Variants in DACH2 observed in about 807,000 individuals in gnomAD.
DACH2 encodes the protein dachshund homolog 2.
In DACH2, 17 loss-of-function variants were observed where a neutral mutation model predicts 35.8. The observed-to-expected ratio is 0.48, with a 90% confidence interval of 0.33 to 0.71. The LOEUF (loss-of-function observed/expected upper bound fraction) is 0.71. DACH2 is among the 30% of genes least tolerant of loss of function. The pLI is 0.02. For synonymous variants in DACH2, 195 were observed against 177.3 expected (o/e 1.10, Z -0.79); for missense variants, 469 against 472.7 (o/e 0.99, Z 0.07).
chrX:86,364,524 C>T (rs752949339), intron 1 of DACH2, among the ~76,000 whole-genome samples: 24 of 110,816 alleles, frequency 2.2e-4, no homozygotes, highest in Non-Finnish European at 5.7e-5. Context: ...CTTTATACAA[C>T]GTGGAAGAGA....
intron 2 of DACH2, among the ~76,000 whole-genome samples, chrX:86,460,845 T>TA (rs961236539): frequency 2.5e-4 from 27 of 110,063 alleles, no homozygotes; most frequent in African/African-American, 8.2e-4. Context: ...TATGTAAAAT[T>TA]AAAAAAAAGT....
At chrX:86,472,734 G>C (rs1167539386) in intron 2 of DACH2, among the ~76,000 whole-genome samples, 1 of 111,788 alleles carries the variant, frequency 8.9e-6, no homozygotes, top group African/African-American at 3.2e-5. Flanking sequence ...TTAGTTTCTT[G>C]ATGATAATTC....
At chrX:86,486,444 A>G (rs1464041971) in intron 2 of DACH2, among the ~76,000 whole-genome samples, 2 of 110,474 alleles carry the variant, frequency 1.8e-5, no homozygotes, top group Admixed American at 9.8e-5. Flanking sequence ...TGAAAATTAC[A>G]TCTAGTGTGA....
intron 7 of DACH2, among the ~76,000 whole-genome samples, chrX:86,764,123 G>A (rs764064230): frequency 3.6e-5 from 4 of 111,846 alleles, no homozygotes; most frequent in African/African-American, 9.7e-5. Flanking sequence ...TAGATATAAA[G>A]GAATAAATAT....
chrX:86,297,863 A>G (rs915690301), intron 1 of DACH2, among the ~76,000 whole-genome samples: 6 of 111,943 alleles, frequency 5.4e-5, no homozygotes, highest in African/African-American at 1.9e-4. Flanking sequence ...AGTGAAAGTG[A>G]CCGCTATTAA....
chrX:86,471,929 T>C (rs1320647172), intron 2 of DACH2, among the ~76,000 whole-genome samples: 1 of 112,190 alleles, frequency 8.9e-6, no homozygotes, highest in Non-Finnish European at 1.9e-5. Flanking sequence ...AATACCTATG[T>C]TAATTAGCTC....
chrX:86,778,883 G>C (rs1448098867), intron 7 of DACH2, among the ~76,000 whole-genome samples: 1 of 111,739 alleles, frequency 8.9e-6, no homozygotes, highest in Non-Finnish European at 1.9e-5. Flanking sequence ...TGCTATTACA[G>C]GTGTGAGCCA....
chrX:86,319,510 G>A (rs1178438113), intron 1 of DACH2, among the ~76,000 whole-genome samples: 1 of 111,539 alleles, frequency 9.0e-6, no homozygotes, highest in African/African-American at 3.3e-5. Flanking sequence ...TTTCAGCATA[G>A]TTAGGGTCAT....
chrX:86,314,388 C>T (rs576192703), intron 1 of DACH2, among the ~76,000 whole-genome samples: 2 of 110,805 alleles, frequency 1.8e-5, no homozygotes, highest in South Asian at 7.7e-4. Context: ...CATACGGGTT[C>T]ATGCCTGTAG....
chrX:86,258,378 TTTC>T lies in DACH2; in HGVS notation c.488+109273_488+109275del, dbSNP rs969456930. Among the ~76,000 whole-genome samples, 4 of 85,306 alleles carry T rather than the reference TTTC, an allele frequency of 4.7e-5. No individual in the cohort carries two copies. The African/African-American group carries it at 6.0e-4, about 13-fold the overall frequency. 74.1% of individuals were successfully genotyped at this position (85,306 alleles called of 115,157 possible). ...TTTTCATTAGTTAAATTTAAAATCT[TTTC>T]TTTTCTTTTTTACCCTTTGTAAATG... On this transcript the variant is annotated intron_variant, in intron 1 of 11. Coordinates refer to ENST00000373125, the MANE Select transcript of DACH2 (RefSeq NM_053281.3).
At chrX:86,425,873 G>T (rs1326135171) in intron 2 of DACH2, among the ~76,000 whole-genome samples, 1 of 110,771 alleles carries the variant, frequency 9.0e-6, no homozygotes, top group Non-Finnish European at 1.9e-5. Context: ...AAATAACTAT[G>T]TTTAGTAGTG....
chrX:86,152,572 C>G (rs900844640), intron 1 of DACH2, among the ~76,000 whole-genome samples: 3 of 111,529 alleles, frequency 2.7e-5, no homozygotes, highest in African/African-American at 6.5e-5. Flanking sequence ...GAAATAATAT[C>G]TGCTTCAACT....
intron 1 of DACH2, among the ~76,000 whole-genome samples, chrX:86,202,299 A>G (rs2032176967): frequency 9.0e-6 from 1 of 111,557 alleles, no homozygotes; most frequent in Admixed American, 9.6e-5. Flanking sequence ...AGACCTATGT[A>G]ACAGAGGCAT....
intron 1 of DACH2, among the ~76,000 whole-genome samples, chrX:86,298,723 A>C (rs993432537): frequency 1.6e-4 from 18 of 112,206 alleles, no homozygotes; most frequent in Non-Finnish European, 3.4e-4. Context: ...CAATCATTCC[A>C]GGTATCTCTG....
chrX:86,621,873 A>C (rs1405483856), intron 3 of DACH2, among the ~76,000 whole-genome samples: 1 of 112,112 alleles, frequency 8.9e-6, no homozygotes, highest in Admixed American at 9.5e-5. Flanking sequence ...TTCATGGAAA[A>C]TGTACATTCA....
At chrX:86,557,415 G>T (rs1489763752) in intron 3 of DACH2, among the ~76,000 whole-genome samples, 1 of 107,483 alleles carries the variant, frequency 9.3e-6, no homozygotes, top group East Asian at 3.0e-4. Context: ...GGATTGACTT[G>T]GCGATGCGGG....
chrX:86,651,971 G>A, intron 4 of DACH2, among the ~76,000 whole-genome samples: 1 of 111,794 alleles, frequency 8.9e-6, no homozygotes, highest in East Asian at 2.8e-4. Flanking sequence ...AGGAGTACAT[G>A]TTCAGGTTTG....
intron 1 of DACH2, among the ~76,000 whole-genome samples, chrX:86,354,847 TG>T (rs2035615357): frequency 7.6e-5 from 1 of 13,083 alleles, no homozygotes; most frequent in Non-Finnish European, 1.2e-4. Context: ...AAAAAATAAA[TG>T]AAAAAAAAAA....
intron 11 of DACH2, among the ~76,000 whole-genome samples, chrX:86,821,165 C>T (rs1403120696): frequency 1.8e-5 from 2 of 111,040 alleles, no homozygotes; most frequent in African/African-American, 3.3e-5. Flanking sequence ...CTACCCTAAA[C>T]TCACCAACCA....
Sources: allele counts gnomAD v4.1 joint callset (sites outside exome capture counted in the v4.1 genomes callset), GRCh38; gene constraint gnomAD v4.1.1; transcripts MANE v1.5; gene names NCBI Gene and HGNC (gene_info 2026-07-23, HGNC 2026-07-21).